The following LRRFIP1 variants were observed in gnomAD, a reference collection of about 807,000 sequenced individuals.
LRRFIP1 encodes the protein leucine-rich repeat flightless-interacting protein 1.
Under a neutral mutation model 104.4 loss-of-function variants are expected in LRRFIP1, and 62 were observed. That is an observed-to-expected ratio of 0.59 (90% confidence interval 0.48 to 0.73). The LOEUF is 0.73. LRRFIP1 is among the 30% of genes least tolerant of loss of function. The probability of loss-of-function intolerance (pLI) is 0.00; values close to 1 mark genes in which losing one functional copy is unlikely to be tolerated. For synonymous variants in LRRFIP1, 300 were observed against 299.0 expected (o/e 1.00, Z -0.03); for missense variants, 796 against 824.5 (o/e 0.97, Z 0.42).
chr2:237,693,471 GAT>G (rs2092955305), intron 1 of LRRFIP1, among the ~76,000 whole-genome samples: 1 of 152,198 alleles, frequency 6.6e-6, no homozygotes, highest in African/African-American at 2.4e-5. Context: ...TTGCTTGTCA[GAT>G]GGTTGCTGTT....
chr2:237,712,957 G>A (rs146439895), intron 2 of LRRFIP1, among the ~76,000 whole-genome samples: 67 of 152,290 alleles, frequency 4.4e-4, no homozygotes, highest in African/African-American at 1.5e-3. Flanking sequence ...TTAAAGGGTA[G>A]GGTTGATACT....
At chr2:237,750,326 C>CTTTTTTTTTTTTTTTTTTT (rs928510240) in intron 13 of LRRFIP1, among the ~76,000 whole-genome samples, 4 of 60,702 alleles carry the variant, frequency 6.6e-5, no homozygotes, top group Non-Finnish European at 1.2e-4. Context: ...TTCTTTCTTT[C>CTTTTTTTTTTTTTTTTTTT]TTTTTTTTTT....
At chr2:237,720,849 C>T in intron 6 of LRRFIP1, 27 bp downstream of exon 6, 2 of 1,608,170 alleles carry the variant, frequency 1.2e-6, no homozygotes, top group Non-Finnish European at 1.7e-6. Flanking sequence ...ATGGAGTTTG[C>T]ATGGCACAGT....
rs1252118154 is a variant in LRRFIP1, at chr2:237,735,982, A to G, written c.555+649A>G. On this transcript the variant is annotated intron_variant, in intron 10 of 23. Transcript: ENST00000308482. The surrounding 1 kb of genome is among the most constrained non-coding windows in gnomAD (Gnocchi z 4.6). ...TGCTCCCTGGCGGTGGATCTCCTGT[A>G]TTCAGAGGCTCCTCCCCAATCCTAT... is the stretch of plus-strand genomic sequence containing the variant. 6.6e-6 allele frequency among the ~76,000 whole-genome samples: 1 copy of G among 152,204 alleles called. No individual in the cohort carries two copies. The highest frequency in any genetic ancestry group is 1.5e-5 in the Non-Finnish European group (1 of 68,036).
intron 19 of LRRFIP1, chr2:237,765,568 A>T: frequency 1.0e-6 from 1 of 975,510 alleles, no homozygotes; most frequent in Non-Finnish European, 1.2e-6. Context: ...CTATAGTAGG[A>T]TATTTTAAAG....
chr2:237,756,032 C>T, intron 15 of LRRFIP1, 63 bp from the exon 16 acceptor site: 1 of 1,058,660 alleles, frequency 9.4e-7, no homozygotes. Context: ...ATCGTGAGAG[C>T]CTGAACTGGC....
In LRRFIP1 at chr2:237,703,293, G is replaced by A. The variant is rs1055651220; in HGVS notation, c.97-5251G>A. Among the ~76,000 whole-genome samples the A allele has an allele frequency of 1.3e-5, 2 of 152,132 alleles. No homozygotes were observed. The highest frequency in any genetic ancestry group is 6.5e-5 in the Admixed American group (1 of 15,278). ...CGAACCCTGGCACTGAGCTTGATCC[G>A]CTGCAGCCCAGCCCGTTCCTGTCCC... On this transcript the variant is annotated intron_variant, in intron 1 of 23. Coordinates refer to ENST00000308482, the MANE Select transcript of LRRFIP1 (RefSeq NM_001137550.2). The surrounding 1 kb of genome is among the most constrained non-coding windows in gnomAD (Gnocchi z 4.3).
intron 6 of LRRFIP1, 68 bp from the exon 7 acceptor site, chr2:237,723,480 C>A: frequency 6.7e-7 from 1 of 1,497,388 alleles, no homozygotes; most frequent in Non-Finnish European, 9.2e-7. Flanking sequence ...TTTTACTTAG[C>A]TTTTAAATTT....
At chr2:237,705,846 T>G (rs1470490228) in intron 1 of LRRFIP1, among the ~76,000 whole-genome samples, 2 of 152,190 alleles carry the variant, frequency 1.3e-5, no homozygotes, top group Non-Finnish European at 2.9e-5. Flanking sequence ...CTGTTCCTGC[T>G]GGCGTCAGTC....
intron 6 of LRRFIP1, chr2:237,721,453 A>C (rs1306958046): frequency 6.6e-6 from 1 of 152,188 alleles, no homozygotes; most frequent in Non-Finnish European, 1.5e-5. Flanking sequence ...AAAAAGTGTG[A>C]GTTTGGGGGG....
intron 19 of LRRFIP1, chr2:237,765,262 TAAAA>T (rs769156778): frequency 4.1e-4 from 51 of 124,738 alleles, no homozygotes; most frequent in African/African-American, 1.2e-3. Flanking sequence ...AAACTCTGTC[TAAAA>T]AAAAAAAAAA....
intron 3 of LRRFIP1, among the ~76,000 whole-genome samples, chr2:237,716,162 A>G (rs963978935): frequency 1.3e-5 from 2 of 152,232 alleles, no homozygotes; most frequent in Non-Finnish European, 2.9e-5. Flanking sequence ...AGTTAAGCCA[A>G]AAAATAAGGG....
chr2:237,705,678 G>A lies in LRRFIP1; in HGVS notation c.97-2866G>A, dbSNP rs369908011. 6.9e-4 allele frequency among the ~76,000 whole-genome samples: 103 copies of A among 149,962 alleles called. 2 individuals are homozygous for A. The East Asian group carries it at 0.018, about 26-fold the overall frequency. On this transcript the variant is annotated intron_variant, in intron 1 of 23. Coordinates refer to ENST00000308482, the MANE Select transcript of LRRFIP1 (RefSeq NM_001137550.2). The stretch of plus-strand genomic sequence containing the variant: ...GACCCTGTCTCCAAAAAAAAAAAAA[G>A]AGCCTGGACTCAGCCTCTCTGGGTC...
Position 237,629,468 on chromosome 2 carries a change from T to A in LRRFIP1, c.96+1728T>A, listed in dbSNP as rs1251994531. On this transcript the variant is annotated intron_variant, in intron 1 of 23. Coordinates refer to ENST00000308482, the MANE Select transcript of LRRFIP1 (RefSeq NM_001137550.2). ...TTTATCCACTGGTGTTTCTTTCTTC[T>A]TTTTTTTTTTTTTTTTTTTTTTTAA... Among the ~76,000 whole-genome samples, 5 of 27,094 alleles carry A rather than the reference T, an allele frequency of 1.8e-4. No individual in the cohort carries two copies. In the East Asian group the frequency reaches 4.0e-3, roughly 22 times the overall value. The allele number at this position is 27,094 out of a possible 152,430, so 17.8% of individuals were successfully genotyped here. A position where few individuals can be genotyped will look rare whatever the true frequency, so the allele number is the denominator to read the frequency against.
chr2:237,657,556 C>T (rs926318302), intron 1 of LRRFIP1, among the ~76,000 whole-genome samples: 26 of 152,076 alleles, frequency 1.7e-4, no homozygotes, highest in African/African-American at 9.7e-5. Flanking sequence ...TCAATTTCTC[C>T]GTGGCAACAT....
At chr2:237,743,557 C>T (rs1438486873) in intron 11 of LRRFIP1, among the ~76,000 whole-genome samples, 1 of 152,206 alleles carries the variant, frequency 6.6e-6, no homozygotes, top group Non-Finnish European at 1.5e-5. Context: ...GTGTTTTCTT[C>T]CTCTCCAGCA....
intron 1 of LRRFIP1, among the ~76,000 whole-genome samples, chr2:237,650,585 G>T (rs1483473255): frequency 1.3e-5 from 2 of 152,234 alleles, no homozygotes; most frequent in African/African-American, 4.8e-5. Flanking sequence ...TCACAGCCTG[G>T]GCGGGGCTGG....
At chr2:237,708,457 A>C in intron 1 of LRRFIP1, 87 bp from the exon 2 acceptor site, 1 of 982,734 alleles carries the variant, frequency 1.0e-6, no homozygotes, top group Non-Finnish European at 1.5e-6. Flanking sequence ...TCTGAACAAG[A>C]TTTTCTTTCC....
At chr2:237,681,264 A>G (rs927379468) in intron 1 of LRRFIP1, among the ~76,000 whole-genome samples, 3 of 152,222 alleles carry the variant, frequency 2.0e-5, no homozygotes, top group African/African-American at 7.2e-5. Context: ...TCAAAAAGCA[A>G]TGTTTACAAC....
Sources: allele counts gnomAD v4.1 joint callset (sites outside exome capture counted in the v4.1 genomes callset), GRCh38; gene constraint gnomAD v4.1.1; non-coding constraint Gnocchi (gnomAD v3.1); transcripts MANE v1.5; gene names NCBI Gene and HGNC (gene_info 2026-07-23, HGNC 2026-07-21).